SGK1: variants seen among roughly 807,000 people sequenced by gnomAD.
The protein encoded by SGK1 is serine/threonine-protein kinase Sgk1.
SGK1 carries 26 observed loss-of-function variants against 64.2 expected under a neutral mutation model. The observed-to-expected ratio is 0.40, with a 90% CI of 0.30 to 0.56. The LOEUF is 0.56. SGK1 is among the 20% of genes least tolerant of loss of function. The pLI is 0.38. For missense variants in SGK1, 519 were observed against 645.6 expected (o/e 0.80, Z 2.12); for synonymous variants, 265 against 239.7 (o/e 1.11, Z -0.98).
At chr6:134,247,515 T>A (rs1776542011) in intron 2 of SGK1, among the ~76,000 whole-genome samples, 1 of 152,218 alleles carries the variant, frequency 6.6e-6, no homozygotes, top group Admixed American at 6.5e-5. Context: ...ACAAATTAAG[T>A]GCACAGTATA....
At chr6:134,281,198 G>T (rs147777207) in intron 1 of SGK1, among the ~76,000 whole-genome samples, 2 of 152,008 alleles carry the variant, frequency 1.3e-5, no homozygotes, top group Non-Finnish European at 2.9e-5. Flanking sequence ...CCACCTACCC[G>T]TTCATAGCTT....
chr6:134,224,226 C>A (rs1380745185), intron 2 of SGK1, among the ~76,000 whole-genome samples: 1 of 152,176 alleles, frequency 6.6e-6, no homozygotes, highest in African/African-American at 2.4e-5. Flanking sequence ...AGCATTTAGG[C>A]AAGTTAATCA....
At chr6:134,174,871 G>A (rs749857691) in intron 3 of SGK1, 49 of 1,609,400 alleles carry the variant, frequency 3.0e-5, no homozygotes, top group South Asian at 1.2e-4. Context: ...TGCTGCGCCA[G>A]GCCGCGCGCT....
chr6:134,199,010 T>G (rs2114674269), intron 3 of SGK1, among the ~76,000 whole-genome samples: 1 of 152,250 alleles, frequency 6.6e-6, no homozygotes, highest in Admixed American at 6.5e-5. Context: ...CTCATCTTCC[T>G]TAGTAGCTGG....
At position 134,213,647 on chromosome 6, in the gene SGK1, A is replaced by AAATAAATAAAT. The variant is rs1582715662; in HGVS notation, c.286-6217_286-6216insATTTATTTATT. 2.0e-4 allele frequency among the ~76,000 whole-genome samples: 30 copies of AAATAAATAAAT among 148,088 alleles called. No homozygotes were observed. The South Asian group carries it at 3.2e-3, about 16-fold the overall frequency. Reference sequence around the variant, plus strand: ...ATAAATAAATAAATAAATAAATAATAAATAAATAAAATGTCCTCATGAAAC... The same window carrying AAATAAATAAAT: ...ATAAATAAATAAATAAATAAATAATAAATAAATAAATAATAAATAAAATGTCCTCATGAAAC... On this transcript the variant is annotated intron_variant, in intron 2 of 13. Coordinates refer to ENST00000367858, the MANE Select transcript of SGK1 (RefSeq NM_001143676.3).
intron 1 of SGK1, among the ~76,000 whole-genome samples, chr6:134,268,234 T>TC (rs1231260526): frequency 3.3e-5 from 5 of 152,118 alleles, no homozygotes; most frequent in Non-Finnish European, 2.9e-5. Context: ...TGGGAGCCCT[T>TC]CATAACAATG....
chr6:134,256,088 C>CT (rs68106923), intron 2 of SGK1, among the ~76,000 whole-genome samples: 20,255 of 139,052 alleles, frequency 0.15, 1,683 homozygotes, highest in African/African-American at 0.22. Context: ...GTCCTTTTTC[C>CT]TTTTTTTTTT....
intron 1 of SGK1, among the ~76,000 whole-genome samples, chr6:134,275,721 C>T (rs562311715): frequency 9.9e-5 from 15 of 152,234 alleles, no homozygotes; most frequent in African/African-American, 2.2e-4. Flanking sequence ...AGGGTCTGGA[C>T]GCCTATCTTC....
intron 3 of SGK1, among the ~76,000 whole-genome samples, chr6:134,196,375 A>C (rs915462103): frequency 6.6e-6 from 1 of 152,054 alleles, no homozygotes; most frequent in Non-Finnish European, 1.5e-5. Context: ...CAAGAGGATC[A>C]CTTGAGCCCA....
intron 2 of SGK1, among the ~76,000 whole-genome samples, chr6:134,226,917 GCCTCAAGCCAT>G (rs1203804937): frequency 6.6e-6 from 1 of 151,966 alleles, no homozygotes. Flanking sequence ...TGAACTCCTG[GCCTCAAGCCAT>G]CCTCACACTT....
intron 3 of SGK1, chr6:134,177,847 T>C: frequency 6.2e-7 from 1 of 1,601,304 alleles, no homozygotes; most frequent in Non-Finnish European, 8.5e-7. Context: ...GAGACGGCTA[T>C]CCCTGTTCTG....
At chr6:134,289,810 AGC>A (rs1179226845) in intron 1 of SGK1, among the ~76,000 whole-genome samples, 11 of 152,100 alleles carry the variant, frequency 7.2e-5, no homozygotes, top group African/African-American at 2.2e-4. Flanking sequence ...GTTCAAGACC[AGC>A]CTGGGCGACA....
intron 1 of SGK1, among the ~76,000 whole-genome samples, chr6:134,313,736 A>G (rs1285618754): frequency 6.6e-6 from 1 of 152,104 alleles, no homozygotes; most frequent in African/African-American, 2.4e-5. Flanking sequence ...AGCCTTTCGA[A>G]TTTTACAAAA....
intron 1 of SGK1, among the ~76,000 whole-genome samples, chr6:134,307,592 T>C (rs1396161046): frequency 6.6e-6 from 1 of 152,198 alleles, no homozygotes; most frequent in African/African-American, 2.4e-5. Flanking sequence ...AGATTGCTTA[T>C]AATAGCAAAT....
rs571242780 is a variant in SGK1 at position 134,271,658 on chromosome 6, C to T, written c.70-9510G>A. 1.4e-5 allele frequency among the ~76,000 whole-genome samples: 2 copies of T among 147,530 alleles called. 1 individual carries two copies. Among genetic ancestry groups the T allele is most frequent in the East Asian group, 4.9e-4 (2 of 4,066 alleles). On this transcript the variant is annotated intron_variant, in intron 1 of 13. Transcript: ENST00000367858. ...CAAGGGTACATGTGAAGGTTTGTTACACAGGTAAGCTCATGACACCGGGAT... is the reference window on the plus strand; with the variant it reads ...CAAGGGTACATGTGAAGGTTTGTTATACAGGTAAGCTCATGACACCGGGAT...
intron 2 of SGK1, among the ~76,000 whole-genome samples, chr6:134,243,764 A>G (rs1776483077): frequency 6.6e-6 from 1 of 152,206 alleles, no homozygotes; most frequent in Non-Finnish European, 1.5e-5. Context: ...AATGAATTAT[A>G]CTGCCTGACT....
chr6:134,198,026 A>G (rs1400645603), intron 3 of SGK1, among the ~76,000 whole-genome samples: 1 of 152,166 alleles, frequency 6.6e-6, no homozygotes, highest in African/African-American at 2.4e-5. Flanking sequence ...CAATCTTTGC[A>G]CAGAATTTTT....
chr6:134,271,444 G>A (rs1167587053), intron 1 of SGK1, among the ~76,000 whole-genome samples: 2 of 147,526 alleles, frequency 1.4e-5, no homozygotes, highest in African/African-American at 4.9e-5. Context: ...CTATCTCTAC[G>A]GGACAGTGTA....
chr6:134,276,738 G>A (rs942851967), intron 1 of SGK1, among the ~76,000 whole-genome samples: 1 of 152,140 alleles, frequency 6.6e-6, no homozygotes, highest in Non-Finnish European at 1.5e-5. Context: ...CCAAACCCGG[G>A]TAACACAGGA....
Sources: allele counts gnomAD v4.1 joint callset (sites outside exome capture counted in the v4.1 genomes callset), GRCh38; gene constraint gnomAD v4.1.1; transcripts MANE v1.5; gene names NCBI Gene and HGNC (gene_info 2026-07-23, HGNC 2026-07-21).